The following ZFHX3 variants were observed in gnomAD, a reference collection of about 807,000 sequenced individuals.
The protein encoded by ZFHX3 is zinc finger homeobox protein 3.
A neutral mutation model predicts 279.1 loss-of-function variants in ZFHX3; 42 were observed. That is an observed-to-expected ratio of 0.15 (90% confidence interval 0.12 to 0.19). The LOEUF (loss-of-function observed/expected upper bound fraction) is 0.19. Among genes scored for constraint, ZFHX3 ranks in the 10% least tolerant of loss-of-function variants. The pLI, the probability that ZFHX3 is intolerant of heterozygous loss-of-function variation, is 1.00. For missense variants in ZFHX3, 4,981 were observed against 4,754.0 expected (o/e 1.05, Z -1.40); for synonymous variants, 2,293 against 1,957.8 (o/e 1.17, Z -4.52).
chr16:73,062,826 G>A (rs1965702955), upstream of ZFHX3, among the ~76,000 whole-genome samples: 1 of 152,150 alleles, frequency 6.6e-6, no homozygotes, highest in African/African-American at 2.4e-5. Flanking sequence ...GGGGTTGGAG[G>A]GTGAAGAATG....
intron 2 of ZFHX3, among the ~76,000 whole-genome samples, chr16:73,660,007 G>T (rs188128389): frequency 6.6e-6 from 1 of 152,296 alleles, no homozygotes; most frequent in African/African-American, 2.4e-5. Context: ...ACATACATCA[G>T]ACATAATTAG....
At chr16:73,634,866 C>G (rs931452347) in intron 2 of ZFHX3, among the ~76,000 whole-genome samples, 4 of 151,930 alleles carry the variant, frequency 2.6e-5, no homozygotes, top group South Asian at 2.1e-4. Context: ...TAACTATTAA[C>G]TGAAAAGAGA....
In ZFHX3 at chr16:72,950,645, G is replaced by C; in HGVS notation, c.3040C>G (p.Leu1014Val). Reference sequence around the variant, plus strand: ...CCGCCCTCCTTGATGTGGGCCACCAGCTGGTACTTCTGCACGTGCTTGTCT... The same window carrying C: ...CCGCCCTCCTTGATGTGGGCCACCACCTGGTACTTCTGCACGTGCTTGTCT... ...KTDKHVQKYQ[L>V]VAHIKEGGKA... Residue 1014 changes from leucine (L) to valine (V), a missense_variant, in exon 3 of 10, where the codon CTG becomes GTG. Coordinates refer to ENST00000268489, the MANE Select transcript of ZFHX3 (RefSeq NM_006885.4). 6.2e-7 allele frequency: 1 copy of C among 1,614,232 alleles called. No individual in the cohort carries two copies. The highest frequency in any genetic ancestry group is 8.5e-7 in the Non-Finnish European group (1 of 1,180,044).
chr16:73,238,311 A>C (rs532059560), intron 5 of ZFHX3, among the ~76,000 whole-genome samples: 115 of 152,202 alleles, frequency 7.6e-4, no homozygotes, highest in African/African-American at 2.7e-3. Flanking sequence ...TCTCCATCCC[A>C]AACCACTCTC....
At chr16:72,890,010 G>A (rs1288503570) in intron 3 of ZFHX3, 48 bp from the exon 4 acceptor site, 6 of 1,534,910 alleles carry the variant, frequency 3.9e-6, no homozygotes, top group Non-Finnish European at 5.3e-6. Context: ...GCCACTCGAA[G>A]CGGCCACTGG....
intron 6 of ZFHX3, among the ~76,000 whole-genome samples, chr16:73,138,247 C>T (rs1966826780): frequency 6.6e-6 from 1 of 152,154 alleles, no homozygotes; most frequent in African/African-American, 2.4e-5. Flanking sequence ...TAAAACATTG[C>T]AATGTAATCA....
At chr16:73,792,630 G>A (rs1010479479) in intron 1 of ZFHX3, among the ~76,000 whole-genome samples, 3 of 152,292 alleles carry the variant, frequency 2.0e-5, no homozygotes, top group South Asian at 2.1e-4. Flanking sequence ...TAAGTTAAAA[G>A]GGTGAAATTG....
Position 72,903,824 on chromosome 16 carries a change from C to A in ZFHX3, c.3217-13862G>T, listed in dbSNP as rs922127792. 6.6e-5 allele frequency among the ~76,000 whole-genome samples: 10 copies of A among 152,250 alleles called. No homozygotes were observed. The East Asian group carries it at 1.9e-3, about 29-fold the overall frequency. ...AGCAGACTAAGAGAAAATAAATATA[C>A]CGCTAGAAAGATCAGATCCCTGCAC... On this transcript the variant is annotated intron_variant, in intron 3 of 9. Coordinates refer to ENST00000268489, the MANE Select transcript of ZFHX3 (RefSeq NM_006885.4).
chr16:72,808,320 C>T (rs1403056600), intron 7 of ZFHX3, among the ~76,000 whole-genome samples: 2 of 152,082 alleles, frequency 1.3e-5, no homozygotes, highest in Middle Eastern at 3.2e-3. Flanking sequence ...CCACAAATTC[C>T]CTCTAACCCT....
chr16:73,177,764 T>C (rs996130313), intron 5 of ZFHX3, among the ~76,000 whole-genome samples: 2 of 151,944 alleles, frequency 1.3e-5, no homozygotes, highest in Non-Finnish European at 2.9e-5. Flanking sequence ...ATATAAAGAG[T>C]AGGAAAGGGA....
chr16:73,486,472 G>A (rs2018975847), intron 2 of ZFHX3, among the ~76,000 whole-genome samples: 2 of 152,188 alleles, frequency 1.3e-5, no homozygotes, highest in Admixed American at 1.3e-4. Flanking sequence ...TTGTCAAGAT[G>A]TCAAGAACCT....
At chr16:72,917,886 C>T (rs932269571) in intron 3 of ZFHX3, among the ~76,000 whole-genome samples, 8 of 152,152 alleles carry the variant, frequency 5.3e-5, no homozygotes, top group African/African-American at 1.4e-4. Context: ...TATATAAAGA[C>T]GATCACCTTA....
intron 1 of ZFHX3, among the ~76,000 whole-genome samples, chr16:73,787,651 TA>T (rs1959687819): frequency 1.3e-5 from 2 of 152,182 alleles, no homozygotes; most frequent in African/African-American, 4.8e-5. Context: ...TATTATGTGG[TA>T]AATCTGATGT....
chr16:73,482,968 T>C (rs576732812), intron 2 of ZFHX3, among the ~76,000 whole-genome samples: 17 of 152,358 alleles, frequency 1.1e-4, no homozygotes, highest in African/African-American at 3.8e-4. Flanking sequence ...TCCCATTAAC[T>C]ACCGCAAGAC....
chr16:73,309,722 A>C (rs1367022916), intron 4 of ZFHX3, among the ~76,000 whole-genome samples: 1 of 152,172 alleles, frequency 6.6e-6, no homozygotes, highest in African/African-American at 2.4e-5. Flanking sequence ...GAGAAGAGAG[A>C]GTTAAGCCCT....
At chr16:73,875,128 G>A (rs1473625013) in intron 1 of ZFHX3, among the ~76,000 whole-genome samples, 1 of 152,106 alleles carries the variant, frequency 6.6e-6, no homozygotes, top group Admixed American at 6.6e-5. Flanking sequence ...AATCTAGGTT[G>A]TTTAAGGAGT....
At position 72,786,346 on chromosome 16, in the gene ZFHX3, A is replaced by AAGTC. The variant is rs539287043; in HGVS notation, c.*814_*817dup. On this transcript the variant is annotated 3_prime_UTR_variant, in exon 10 of 10. Transcript: ENST00000268489. ...TGGTCATATCTATCATAAATACAGA[A>AAGTC]AGTCAGTTTTTAAAACTTATTTTTT... is the stretch of plus-strand genomic sequence containing the variant. 1.3e-5 allele frequency: 2 copies of AAGTC among 152,398 alleles called. No individual in the cohort carries two copies. The highest frequency in any genetic ancestry group is 1.3e-4 in the Admixed American group (2 of 15,266). The allele number at this position is 152,398 out of a possible 1,614,324, so 9.4% of individuals were successfully genotyped here.
upstream of ZFHX3, among the ~76,000 whole-genome samples, chr16:73,051,324 C>G (rs1965445992): frequency 6.6e-6 from 1 of 152,202 alleles, no homozygotes; most frequent in Non-Finnish European, 1.5e-5. Flanking sequence ...CTGAATTGGC[C>G]TGAGTTCACC....
In ZFHX3 at chr16:72,928,558, A is replaced by G. The variant is rs575608871; in HGVS notation, c.3216+21911T>C. On this transcript the variant is annotated intron_variant, in intron 3 of 9. Transcript: ENST00000268489. ...CCCAAACTCTAGGCCCAAGCTCCACAGATAAGCAAGAACCAAGTCATGACC... is the reference window on the plus strand; with the variant it reads ...CCCAAACTCTAGGCCCAAGCTCCACGGATAAGCAAGAACCAAGTCATGACC... Among the ~76,000 whole-genome samples the G allele has an allele frequency of 2.0e-5, 3 of 152,292 alleles. No individual in the cohort carries two copies. In the East Asian group the frequency reaches 5.8e-4, roughly 29 times the overall value.
Sources: allele counts gnomAD v4.1 joint callset (sites outside exome capture counted in the v4.1 genomes callset), GRCh38; gene constraint gnomAD v4.1.1; transcripts MANE v1.5; gene names NCBI Gene and HGNC (gene_info 2026-07-23, HGNC 2026-07-21).